The following ATXN1 variants were observed in gnomAD, a reference collection of about 807,000 sequenced individuals.
ATXN1 encodes ataxin-1.
Under a neutral mutation model 56.4 loss-of-function variants are expected in ATXN1, and 8 were observed. That is an observed-to-expected ratio of 0.14 (90% CI 0.08 to 0.26). The LOEUF (loss-of-function observed/expected upper bound fraction) is 0.26, where lower values mean the gene tolerates loss of function less well. Among genes scored for constraint, ATXN1 ranks in the 10% least tolerant of loss-of-function variants. The pLI is 1.00. For missense variants in ATXN1, 987 were observed against 1,106.5 expected, an observed-to-expected ratio of 0.89 and a Z score of 1.53; for synonymous variants, 514 against 494.6, an observed-to-expected ratio of 1.04 and a Z score of -0.52.
chr6:16,370,125 G>A (rs1433793049), intron 6 of ATXN1, among the ~76,000 whole-genome samples: 1 of 152,138 alleles, frequency 6.6e-6, no homozygotes, highest in Non-Finnish European at 1.5e-5. Flanking sequence ...AATCCTGCAT[G>A]AGGTGGATAT....
At chr6:16,542,383 G>A (rs1561747301) in intron 4 of ATXN1, among the ~76,000 whole-genome samples, 1 of 152,148 alleles carries the variant, frequency 6.6e-6, no homozygotes, top group Non-Finnish European at 1.5e-5. Context: ...AAAGAGAAAC[G>A]ATCACATTAA....
intron 5 of ATXN1, among the ~76,000 whole-genome samples, chr6:16,505,085 C>A (rs1328333424): frequency 6.6e-6 from 1 of 150,962 alleles, no homozygotes; most frequent in East Asian, 1.9e-4. Flanking sequence ...TAATTACACA[C>A]ACCCTCCGAG....
At position 16,328,324 on chromosome 6, in the gene ATXN1, C is replaced by T. The variant is rs367769664; in HGVS notation, c.-14G>A. The T allele has an allele frequency of 6.7e-7, 1 of 1,496,748 alleles. No individual in the cohort carries two copies. Among genetic ancestry groups the T allele is most frequent in the Non-Finnish European group, 8.9e-7 (1 of 1,129,044 alleles). The allele number at this position is 1,496,748 out of a possible 1,614,324, so 92.7% of individuals were successfully genotyped here. A position where few individuals can be genotyped will look rare whatever the true frequency, so the allele number is the denominator to read the frequency against. On this transcript the variant is annotated 5_prime_UTR_variant, in exon 7 of 8. Coordinates refer to ENST00000436367, the MANE Select transcript of ATXN1 (RefSeq NM_001128164.2). The surrounding 1 kb of genome is among the most constrained non-coding windows in gnomAD (Gnocchi z 6.2). ...GTTGGATTTCATTTTTCGCCGTCCC[C>T]CCTCCACGGTGACTGTTTCACTGTC...
intron 6 of ATXN1, among the ~76,000 whole-genome samples, chr6:16,378,322 G>A (rs759204600): frequency 1.3e-5 from 2 of 152,154 alleles, no homozygotes; most frequent in Non-Finnish European, 2.9e-5. Flanking sequence ...GACTTACCAA[G>A]CACTTTATAA....
intron 6 of ATXN1, among the ~76,000 whole-genome samples, chr6:16,443,316 GC>G (rs1759561853): frequency 6.6e-6 from 1 of 151,464 alleles, no homozygotes; most frequent in East Asian, 1.9e-4. Context: ...AAGCAGACAG[GC>G]ATGAAAGACA....
chr6:16,692,438 G>C (rs1031420041), intron 2 of ATXN1, among the ~76,000 whole-genome samples: 1 of 152,098 alleles, frequency 6.6e-6, no homozygotes, highest in African/African-American at 2.4e-5. Context: ...AAGTAAAATT[G>C]TAAGTCAAGT....
At chr6:16,480,735 T>C (rs968436709) in intron 6 of ATXN1, among the ~76,000 whole-genome samples, 1 of 152,174 alleles carries the variant, frequency 6.6e-6, no homozygotes, top group African/African-American at 2.4e-5. Flanking sequence ...TTTCACCCCA[T>C]AGAACACAAA....
intron 6 of ATXN1, among the ~76,000 whole-genome samples, chr6:16,372,752 A>T (rs1762066319): frequency 6.6e-6 from 1 of 151,874 alleles, no homozygotes. Flanking sequence ...CATCTCTACA[A>T]AAAAAAGGTA....
At chr6:16,329,335 C>G (rs903984289) in intron 6 of ATXN1, among the ~76,000 whole-genome samples, 5 of 152,230 alleles carry the variant, frequency 3.3e-5, no homozygotes, top group East Asian at 1.9e-4. Flanking sequence ...GCCAGAGCCA[C>G]TACTCTCCAA....
At chr6:16,388,272 GCTT>G (rs1758281937) in intron 6 of ATXN1, among the ~76,000 whole-genome samples, 1 of 152,220 alleles carries the variant, frequency 6.6e-6, no homozygotes, top group Non-Finnish European at 1.5e-5. Flanking sequence ...ATGATGAACA[GCTT>G]ATTATGTGTA....
chr6:16,441,800 A>C (rs1363470648), intron 6 of ATXN1, among the ~76,000 whole-genome samples: 1 of 152,176 alleles, frequency 6.6e-6, no homozygotes, highest in Non-Finnish European at 1.5e-5. Context: ...AGTGCTAAAA[A>C]ATAGAAAGGA....
chr6:16,597,739 C>G (rs1233220904), intron 3 of ATXN1, among the ~76,000 whole-genome samples: 1 of 152,220 alleles, frequency 6.6e-6, no homozygotes, highest in Non-Finnish European at 1.5e-5. Flanking sequence ...CCATGCCTGG[C>G]CTAAAACTAT....
chr6:16,409,681 T>C (rs1423166264), intron 6 of ATXN1, among the ~76,000 whole-genome samples: 5 of 151,304 alleles, frequency 3.3e-5, no homozygotes, highest in Non-Finnish European at 5.9e-5. Context: ...GAACTCGACT[T>C]GCCGTTTATG....
chr6:16,396,666 T>C (rs992528498), intron 6 of ATXN1, among the ~76,000 whole-genome samples: 1 of 152,226 alleles, frequency 6.6e-6, no homozygotes, highest in African/African-American at 2.4e-5. Context: ...GGTACAGTGA[T>C]ACAGTGATGT....
chr6:16,420,950 T>C (rs1759020029), intron 6 of ATXN1, among the ~76,000 whole-genome samples: 1 of 152,166 alleles, frequency 6.6e-6, no homozygotes, highest in African/African-American at 2.4e-5. Context: ...GGTTTTGTAG[T>C]TGATTTTCCC....
At chr6:16,737,499 T>A (rs1205902792) in intron 2 of ATXN1, 1 of 152,210 alleles carries the variant, frequency 6.6e-6, no homozygotes, top group Non-Finnish European at 1.5e-5. Context: ...TAGATTTTCA[T>A]CTCTGAGAAA....
chr6:16,324,680 G>A (rs980805039), intron 7 of ATXN1, among the ~76,000 whole-genome samples: 14 of 152,264 alleles, frequency 9.2e-5, no homozygotes, highest in African/African-American at 3.4e-4. Flanking sequence ...TGAACCTGCT[G>A]GACTCCCAGC....
At chr6:16,524,128 T>C (rs3806138) in intron 4 of ATXN1, among the ~76,000 whole-genome samples, 49,564 of 151,950 alleles carry the variant, frequency 0.33, 8,096 homozygotes, top group Admixed American at 0.35. Context: ...CAGGGCAGGA[T>C]AGAGCTTTTT....
intron 4 of ATXN1, among the ~76,000 whole-genome samples, chr6:16,532,433 C>T (rs1761523132): frequency 6.6e-6 from 1 of 152,144 alleles, no homozygotes; most frequent in African/African-American, 2.4e-5. Flanking sequence ...AGGGAACAGG[C>T]TGCCCCATGG....
Sources: gnomAD v4.1 joint callset for allele counts (sites outside exome capture counted in the v4.1 genomes callset) on GRCh38, gnomAD v4.1.1 for gene constraint, Gnocchi (gnomAD v3.1) non-coding constraint, MANE v1.5 for transcripts, NCBI Gene and HGNC (gene_info 2026-07-23, HGNC 2026-07-21) for gene names.